PKHD1: variants seen among roughly 807,000 people sequenced by gnomAD.
PKHD1 encodes fibrocystin.
Under a neutral mutation model 412.0 loss-of-function variants are expected in PKHD1, and 291 were observed. That is an observed-to-expected ratio of 0.71 (90% CI 0.64 to 0.78). The LOEUF (loss-of-function observed/expected upper bound fraction) is 0.78, where lower values mean the gene tolerates loss of function less well. PKHD1 is among the 30% of genes least tolerant of loss of function. The pLI, the probability that PKHD1 is intolerant of heterozygous loss-of-function variation, is 0.00. For missense variants in PKHD1, 4,825 were observed against 4,950.7 expected (o/e 0.97, Z 0.76); for synonymous variants, 1,777 against 1,821.5 (o/e 0.98, Z 0.62).
rs58667694 is a variant in PKHD1 at position 51,679,434 on chromosome 6, CT to C, written c.10157-19466del. On this transcript the variant is annotated intron_variant, in intron 60 of 66. Transcript: ENST00000371117. ...CAAATAAACTTGAAATCCACTAGGACTTTTTTTTTTTTTGCCAACTCTCCCT... is the reference window on the plus strand; with the variant it reads ...CAAATAAACTTGAAATCCACTAGGACTTTTTTTTTTTTGCCAACTCTCCCT... 3.2e-3 allele frequency among the ~76,000 whole-genome samples: 456 copies of C among 143,320 alleles called. 8 individuals are homozygous for C. In the East Asian group the frequency reaches 0.045, roughly 14 times the overall value. The allele number at this position is 143,320 out of a possible 152,430, so 94.0% of individuals were successfully genotyped here.
At chr6:51,668,486 T>C (rs1283611455) in intron 60 of PKHD1, among the ~76,000 whole-genome samples, 2 of 152,214 alleles carry the variant, frequency 1.3e-5, no homozygotes, top group Non-Finnish European at 2.9e-5. Flanking sequence ...TCATGTCGTC[T>C]GCAAACAGGG....
chr6:52,000,294 C>T (rs1277381979), intron 35 of PKHD1, among the ~76,000 whole-genome samples: 2 of 152,120 alleles, frequency 1.3e-5, no homozygotes, highest in Admixed American at 1.3e-4. Context: ...GCCTCACCTC[C>T]CCTGTAGAAT....
rs941381504 is a variant in PKHD1 at position 51,615,712 on chromosome 6, A to G, written c.*3369T>C. ...AGGCATTTCAATGTATAGTAATTTC[A>G]TATATTTGGAGTAAGACTGATAGAT... is the stretch of plus-strand genomic sequence containing the variant. On this transcript the variant is annotated 3_prime_UTR_variant, in exon 67 of 67. Transcript: ENST00000371117. 1 of 152,186 alleles carries G rather than the reference A, an allele frequency of 6.6e-6. No homozygotes were observed. The highest frequency in any genetic ancestry group is 1.5e-5 in the Non-Finnish European group (1 of 68,036). 9.4% of individuals were successfully genotyped at this position (152,186 alleles called of 1,614,324 possible).
chr6:51,638,830 G>T lies in PKHD1; in HGVS notation c.11506+19C>A. ...AAAAAAAAAAAAACACAGAATAAAA[G>T]CACACTGTATAAAATTACCTGGAGG... is the stretch of plus-strand genomic sequence containing the variant. On this transcript the variant is annotated intron_variant, in intron 64 of 66. Coordinates refer to ENST00000371117, the MANE Select transcript of PKHD1 (RefSeq NM_138694.4). The T allele has an allele frequency of 2.0e-5, 23 of 1,151,302 alleles. No homozygotes were observed. Among genetic ancestry groups the T allele is most frequent in the Non-Finnish European group, 2.9e-5 (23 of 787,742 alleles). 71.3% of individuals were successfully genotyped at this position (1,151,302 alleles called of 1,614,324 possible).
At chr6:51,998,620 T>C (rs1447032960) in intron 35 of PKHD1, among the ~76,000 whole-genome samples, 2 of 152,176 alleles carry the variant, frequency 1.3e-5, no homozygotes, top group Non-Finnish European at 2.9e-5. Context: ...GTAAAACCTA[T>C]AGAATCAAGG....
intron 43 of PKHD1, among the ~76,000 whole-genome samples, chr6:51,900,327 A>C (rs1463632658): frequency 2.6e-5 from 4 of 152,240 alleles, no homozygotes; most frequent in African/African-American, 4.8e-5. Flanking sequence ...ACAGAGATGT[A>C]GATCAATGGA....
At chr6:51,849,054 C>T (rs942560991) in intron 49 of PKHD1, among the ~76,000 whole-genome samples, 2 of 151,970 alleles carry the variant, frequency 1.3e-5, no homozygotes, top group Non-Finnish European at 2.9e-5. Context: ...CCTCCCCTCA[C>T]CTCCTACCCC....
intron 63 of PKHD1, among the ~76,000 whole-genome samples, chr6:51,641,161 G>C (rs1769295373): frequency 6.6e-6 from 1 of 152,150 alleles, no homozygotes; most frequent in Admixed American, 6.5e-5. Context: ...GCTAAAAACA[G>C]AAAACTGCAT....
At chr6:51,800,731 GC>G (rs1211262569) in intron 52 of PKHD1, among the ~76,000 whole-genome samples, 1 of 152,198 alleles carries the variant, frequency 6.6e-6, no homozygotes, top group Non-Finnish European at 1.5e-5. Context: ...TTTAGGGCAG[GC>G]AGACCCACTG....
intron 35 of PKHD1, among the ~76,000 whole-genome samples, chr6:51,989,860 G>A (rs1796661780): frequency 7.6e-6 from 1 of 131,022 alleles, no homozygotes; most frequent in South Asian, 2.8e-4. Flanking sequence ...AGGGATAGGG[G>A]GAGGGAGGAA....
chr6:51,944,939 T>C lies in PKHD1; in HGVS notation c.5909-10617A>G, dbSNP rs573940820. On this transcript the variant is annotated intron_variant, in intron 36 of 66. Transcript: ENST00000371117. ...ATATTTTGTCATATATAATATTTCATACTCTAGGGTAAAGCAGCAAGGTCA... is the reference window on the plus strand; with the variant it reads ...ATATTTTGTCATATATAATATTTCACACTCTAGGGTAAAGCAGCAAGGTCA... Among the ~76,000 whole-genome samples, 27 of 152,352 alleles carry C rather than the reference T, an allele frequency of 1.8e-4. 1 individual carries two copies. In the South Asian group the frequency reaches 4.8e-3, roughly 27 times the overall value.
At position 51,823,214 on chromosome 6, in the gene PKHD1, G is replaced by T. The variant is rs75054016; in HGVS notation, c.8302+7647C>A. Among the ~76,000 whole-genome samples the T allele has an allele frequency of 3.5e-3, 540 of 152,242 alleles. 5 individuals carry two copies. Among genetic ancestry groups the T allele is most frequent in the African/African-American group, 0.012 (508 of 41,520 alleles). ...AGGTGCCCAATACGGTCACACCTCT[G>T]GGAGACTGAGGTGGAGTATTTGAAA... is the stretch of plus-strand genomic sequence containing the variant. On this transcript the variant is annotated intron_variant, in intron 52 of 66. Coordinates refer to ENST00000371117, the MANE Select transcript of PKHD1 (RefSeq NM_138694.4).
Position 51,692,228 on chromosome 6 carries a change from A to G in PKHD1, c.10157-32259T>C, listed in dbSNP as rs540926981. Among the ~76,000 whole-genome samples the G allele has an allele frequency of 2.7e-4, 41 of 150,792 alleles. No individual in the cohort carries two copies. The South Asian group carries it at 6.8e-3, about 25-fold the overall frequency. ...CCACTGCCATCACTTTTGCTTCTGGAAAGTTTAAGAATTCTGTAGAAAATC... is the reference window on the plus strand; with the variant it reads ...CCACTGCCATCACTTTTGCTTCTGGGAAGTTTAAGAATTCTGTAGAAAATC... On this transcript the variant is annotated intron_variant, in intron 60 of 66. Coordinates refer to ENST00000371117, the MANE Select transcript of PKHD1 (RefSeq NM_138694.4).
chr6:51,937,715 C>A (rs1261830010), intron 36 of PKHD1, among the ~76,000 whole-genome samples: 2 of 152,202 alleles, frequency 1.3e-5, no homozygotes, highest in African/African-American at 4.8e-5. Context: ...TATCCAGTTT[C>A]TCCATCTGTA....
chr6:51,630,230 C>T (rs982854777), intron 65 of PKHD1, among the ~76,000 whole-genome samples: 5 of 152,068 alleles, frequency 3.3e-5, no homozygotes, highest in African/African-American at 1.2e-4. Flanking sequence ...AGAAGAATGT[C>T]CACTATTATC....
chr6:52,071,139 C>A (rs1810553706), intron 8 of PKHD1, 69 bp from the exon 9 acceptor site: 1 of 1,115,148 alleles, frequency 9.0e-7, no homozygotes, highest in East Asian at 2.4e-5. Context: ...ACTCTTTAAC[C>A]AGGAAAGTAG....
At position 51,787,294 on chromosome 6, in the gene PKHD1, G is replaced by A. The variant is rs1793031600; in HGVS notation, c.8440+3942C>T. Among the ~76,000 whole-genome samples the A allele has an allele frequency of 2.0e-5, 3 of 151,490 alleles. No homozygotes were observed. In the South Asian group the frequency reaches 6.3e-4, roughly 32 times the overall value. On this transcript the variant is annotated intron_variant, in intron 53 of 66. Coordinates refer to ENST00000371117, the MANE Select transcript of PKHD1 (RefSeq NM_138694.4). ...GAATTACTTAAAACTGGAAGGCAGAGGTTGCAATGAGCTGAGATGGCGCCA... is the reference window on the plus strand; with the variant it reads ...GAATTACTTAAAACTGGAAGGCAGAAGTTGCAATGAGCTGAGATGGCGCCA...
intron 60 of PKHD1, among the ~76,000 whole-genome samples, chr6:51,739,204 A>G (rs1285013557): frequency 2.0e-5 from 3 of 149,616 alleles, no homozygotes; most frequent in Non-Finnish European, 4.4e-5. Context: ...ATATGTGTGC[A>G]TGTGTATGTA....
At chr6:51,989,365 A>G (rs1268479190) in intron 35 of PKHD1, among the ~76,000 whole-genome samples, 7 of 152,370 alleles carry the variant, frequency 4.6e-5, no homozygotes, top group African/African-American at 1.7e-4. Flanking sequence ...ATCATGAAAT[A>G]CAATTCTGTT....
Sources: gnomAD v4.1 joint callset for allele counts (sites outside exome capture counted in the v4.1 genomes callset) on GRCh38, gnomAD v4.1.1 for gene constraint, MANE v1.5 for transcripts, NCBI Gene and HGNC (gene_info 2026-07-23, HGNC 2026-07-21) for gene names.